The following COL22A1 variants were observed in gnomAD, a reference collection of about 807,000 sequenced individuals.
COL22A1 encodes the protein collagen type XXII alpha 1 chain.
In COL22A1, 221 loss-of-function variants were observed where a neutral mutation model predicts 248.9. The ratio of observed to expected loss-of-function variants is 0.89; its 90% CI spans 0.80 to 0.99. The LOEUF (loss-of-function observed/expected upper bound fraction) is 0.99. COL22A1 is among the 50% of genes least tolerant of loss of function. The probability of loss-of-function intolerance (pLI) is 0.00; values close to 1 mark genes in which losing one functional copy is unlikely to be tolerated. For synonymous variants in COL22A1, 891 were observed against 793.4 expected (o/e 1.12, Z -2.07); for missense variants, 2,240 against 2,179.0 (o/e 1.03, Z -0.56).
chr8:138,700,477 A>G (rs1046281876), intron 31 of COL22A1, among the ~76,000 whole-genome samples: 1 of 152,204 alleles, frequency 6.6e-6, no homozygotes, highest in Non-Finnish European at 1.5e-5. Context: ...GGTGTCCATA[A>G]GAGCTCTGCC....
In COL22A1 at chr8:138,589,222, C is replaced by T. The variant is rs773344239; in HGVS notation, c.*31G>A. ...GGCTCTGAGTTCAAGTTTCAGAAATCCACTGCAGTCTTCTGGCTTTCCAGA... is the reference window on the plus strand; with the variant it reads ...GGCTCTGAGTTCAAGTTTCAGAAATTCACTGCAGTCTTCTGGCTTTCCAGA... On this transcript the variant is annotated 3_prime_UTR_variant, in exon 65 of 65. Transcript: ENST00000303045. 2.5e-6 allele frequency: 4 copies of T among 1,606,646 alleles called. No individual in the cohort carries two copies. The East Asian group carries it at 9.0e-5, about 36-fold the overall frequency.
At chr8:138,862,026 T>TAAAAAAAAAAAAAAAAAAAA (rs386414193) in intron 3 of COL22A1, among the ~76,000 whole-genome samples, 1 of 93,270 alleles carries the variant, frequency 1.1e-5, no homozygotes, top group Non-Finnish European at 1.9e-5. Flanking sequence ...CTGTCTCTAC[T>TAAAAAAAAAAAAAAAAAAAA]AAAAAAAAAA....
chr8:138,857,276 C>T (rs1822106199), intron 3 of COL22A1, among the ~76,000 whole-genome samples: 1 of 152,214 alleles, frequency 6.6e-6, no homozygotes, highest in South Asian at 2.1e-4. Context: ...ACCCTCACCA[C>T]AGCTCTGCCC....
At chr8:138,619,643 T>C (rs1363591056) in intron 52 of COL22A1, 135 bp from the exon 53 acceptor site, 3 of 751,494 alleles carry the variant, frequency 4.0e-6, no homozygotes, top group South Asian at 3.2e-5. Context: ...TCCCCTGGTG[T>C]CTTGGTCCTT....
chr8:138,874,386 T>C (rs974353915), intron 3 of COL22A1, among the ~76,000 whole-genome samples: 4 of 152,242 alleles, frequency 2.6e-5, no homozygotes, highest in Non-Finnish European at 4.4e-5. Flanking sequence ...CTGGTTTTCC[T>C]TCATGTATCA....
At position 138,694,361 on chromosome 8, in the gene COL22A1, A is replaced by T. The variant is rs972818105; in HGVS notation, c.2700+147T>A. ...CTGGGGCGTTTAGTGAGGGCCACTC[A>T]GCCTCTGCAGCACATTGGGGCTGCT... is the stretch of plus-strand genomic sequence containing the variant. On this transcript the variant is annotated intron_variant, in intron 34 of 64. Coordinates refer to ENST00000303045, the MANE Select transcript of COL22A1 (RefSeq NM_152888.3). 6.0e-6 allele frequency: 5 copies of T among 834,822 alleles called. No individual in the cohort carries two copies. The African/African-American group carries it at 8.3e-5, about 14-fold the overall frequency. 51.7% of individuals were successfully genotyped at this position (834,822 alleles called of 1,614,324 possible).
intron 4 of COL22A1, among the ~76,000 whole-genome samples, chr8:138,837,341 G>T (rs1471520434): frequency 2.0e-5 from 3 of 152,190 alleles, no homozygotes; most frequent in Admixed American, 2.0e-4. Flanking sequence ...GTCCCCGAGA[G>T]ATCCCAAGTT....
intron 56 of COL22A1, among the ~76,000 whole-genome samples, chr8:138,608,989 T>C (rs1444251937): frequency 1.3e-5 from 2 of 152,240 alleles, no homozygotes; most frequent in Non-Finnish European, 2.9e-5. Flanking sequence ...AAGGACATCC[T>C]AGAGAATCAC....
chr8:138,737,094 C>T (rs10111881), intron 23 of COL22A1, among the ~76,000 whole-genome samples: 146,241 of 152,262 alleles, frequency 0.96, 70,509 homozygotes, highest in East Asian at 1. Context: ...TGCGCTGCGG[C>T]CCACCAGGTC....
At chr8:138,829,181 T>C (rs1421122712) in intron 5 of COL22A1, among the ~76,000 whole-genome samples, 1 of 152,146 alleles carries the variant, frequency 6.6e-6, no homozygotes, top group Non-Finnish European at 1.5e-5. Context: ...TTCTCTGAGT[T>C]GGGATTTCAC....
chr8:138,725,766 C>G (rs1007482775), intron 23 of COL22A1, among the ~76,000 whole-genome samples: 1 of 33,820 alleles, frequency 3.0e-5, no homozygotes, highest in Admixed American at 3.7e-4. Context: ...CACACACACA[C>G]ACACACACAC....
chr8:138,871,292 G>A (rs985536668), intron 3 of COL22A1, among the ~76,000 whole-genome samples: 4 of 152,156 alleles, frequency 2.6e-5, no homozygotes, highest in Non-Finnish European at 1.5e-5. Context: ...ATGCCCCTCC[G>A]AGCTGTGTGA....
intron 11 of COL22A1, among the ~76,000 whole-genome samples, chr8:138,802,656 A>G (rs565574257): frequency 2.0e-5 from 3 of 152,172 alleles, no homozygotes; most frequent in Non-Finnish European, 2.9e-5. Flanking sequence ...ATGGGGTGGC[A>G]AGAGACAAGG....
intron 41 of COL22A1, among the ~76,000 whole-genome samples, chr8:138,666,814 A>T (rs2130735027): frequency 6.6e-6 from 1 of 152,296 alleles, no homozygotes; most frequent in South Asian, 2.1e-4. Context: ...TTATTTTCTT[A>T]TGTCATTTAA....
At chr8:138,751,754 T>C (rs543429325) in intron 21 of COL22A1, among the ~76,000 whole-genome samples, 2 of 152,344 alleles carry the variant, frequency 1.3e-5, no homozygotes, top group African/African-American at 4.8e-5. Flanking sequence ...TACTTTATAC[T>C]GAGTACTGTA....
At chr8:138,805,292 G>GT (rs1817422102) in intron 10 of COL22A1, among the ~76,000 whole-genome samples, 1 of 120,416 alleles carries the variant, frequency 8.3e-6, no homozygotes, top group South Asian at 2.6e-4. Flanking sequence ...TGGTGTGTGT[G>GT]GTGGTGTGGG....
chr8:138,799,621 C>A (rs1453827401), intron 11 of COL22A1, among the ~76,000 whole-genome samples: 1 of 152,178 alleles, frequency 6.6e-6, no homozygotes, highest in African/African-American at 2.4e-5. Context: ...ATGGTTTTAA[C>A]AAGACTCGTT....
intron 30 of COL22A1, among the ~76,000 whole-genome samples, chr8:138,710,506 T>C (rs916196094): frequency 6.6e-6 from 1 of 152,136 alleles, no homozygotes; most frequent in Non-Finnish European, 1.5e-5. Flanking sequence ...ATTATTTCTA[T>C]TGTTATTTAG....
At position 138,826,780 on chromosome 8, in the gene COL22A1, C is replaced by A. The variant is rs145554134; in HGVS notation, c.847G>T (p.Asp283Tyr). ...GSFPVVQSTE[D>Y]VFPQGLPDEY... Reference sequence around the variant, plus strand: ...TCAGGTAAACCTTGGGGGAACACATCCCTGGAGAAAAATGGAGACAAAGAC... The same window carrying A: ...TCAGGTAAACCTTGGGGGAACACATACCTGGAGAAAAATGGAGACAAAGAC... The change falls in exon 6 of 65, where the codon GAT becomes TAT. Residue 283 changes from aspartate to tyrosine, a missense_variant and splice_region_variant. Asp to Tyr is a radical substitution (Grantham distance 160). Transcript: ENST00000303045. The A allele has an allele frequency of 6.2e-7, 1 of 1,613,878 alleles. No individual in the cohort carries two copies. Among genetic ancestry groups the A allele is most frequent in the African/African-American group, 1.3e-5 (1 of 74,938 alleles).
Sources: allele counts gnomAD v4.1 joint callset (sites outside exome capture counted in the v4.1 genomes callset), GRCh38; gene constraint gnomAD v4.1.1; transcripts MANE v1.5; gene names NCBI Gene and HGNC (gene_info 2026-07-23, HGNC 2026-07-21).